The following CCDC27 variants were observed in gnomAD, a reference collection of about 807,000 sequenced individuals.
The protein encoded by CCDC27 is coiled-coil domain containing 27, also known as coiled-coil domain-containing protein 27.
A neutral mutation model predicts 80.3 loss-of-function variants in CCDC27; 80 were observed. That is an observed-to-expected ratio of 1.00 (90% CI 0.83 to 1.20). The LOEUF (loss-of-function observed/expected upper bound fraction) is 1.20. Ranked by LOEUF, CCDC27 falls within the 50% of genes most tolerant of loss-of-function variation. The pLI is 0.00. For missense variants in CCDC27, 815 were observed against 809.4 expected, an observed-to-expected ratio of 1.01 and a Z score of -0.08; for synonymous variants, 342 against 334.3, an observed-to-expected ratio of 1.02 and a Z score of -0.25.
Position 3,754,188 on chromosome 1 carries a change from C to A in CCDC27, c.389C>A (p.Thr130Lys), listed in dbSNP as rs765796565. The A allele has an allele frequency of 1.2e-6, 2 of 1,613,714 alleles. No individual in the cohort carries two copies. Among genetic ancestry groups the A allele is most frequent in the Non-Finnish European group, 1.7e-6 (2 of 1,179,878 alleles). ...SKMELRRVFP[T>K]HPDCPQFSTR... is the part of the protein sequence containing the mutation. The stretch of plus-strand genomic sequence containing the variant: ...ATGGAACTTCGAAGGGTCTTCCCCA[C>A]GCATCCTGACTGCCCCCAGTTCAGC... The change falls in exon 2 of 12, where the codon ACG becomes AAG. Residue 130 changes from threonine to lysine, a missense_variant. Transcript: ENST00000294600.
chr1:3,763,179 C>A lies in CCDC27; in HGVS notation c.1026C>A (p.Gly342=). Residue 342 remains glycine (G), a synonymous_variant, in exon 7 of 12, where the codon GGC becomes GGA. Transcript: ENST00000294600. This position sits in a 1 kb window ranked among gnomAD's most constrained non-coding sequence, Gnocchi z 7.5. ...TGGGAGGTGGCGAGGAGGACGAGGG[C>A]CTGGAAGGGGAGCCCGATGGGGTGG... The part of the protein sequence containing the change: ...PDLGGGEEDE[G]LEGEPDGVED... The A allele has an allele frequency of 1.3e-6, 2 of 1,508,360 alleles. No individual in the cohort carries two copies. Among genetic ancestry groups the A allele is most frequent in the South Asian group, 1.3e-5 (1 of 75,700 alleles). The allele number at this position is 1,508,360 out of a possible 1,614,324, so 93.4% of individuals were successfully genotyped here. A position where few individuals can be genotyped will look rare whatever the true frequency, so the allele number is the denominator to read the frequency against.
Position 3,752,718 on chromosome 1 carries a change from G to C in CCDC27, c.237G>C (p.Arg79=). ...AGAGCATGGCCAGCCGGGACGCCCGGTGCCCAGAATGGAAACCGCACCAAA... is the reference window on the plus strand; with the variant it reads ...AGAGCATGGCCAGCCGGGACGCCCGCTGCCCAGAATGGAAACCGCACCAAA... ...LLQSMASRDA[R]CPEWKPHQKP... Residue 79 remains arginine, a synonymous_variant, in exon 1 of 12, where the codon CGG becomes CGC. Transcript: ENST00000294600. 1 of 1,613,884 alleles carries C rather than the reference G, an allele frequency of 6.2e-7. No individual in the cohort carries two copies. The highest frequency in any genetic ancestry group is 8.5e-7 in the Non-Finnish European group (1 of 1,180,028).
rs1217174308 is a variant in CCDC27, at chr1:3,768,033, G to GTGTGCC, written c.1743+589_1743+594dup. Among the ~76,000 whole-genome samples the GTGTGCC allele has an allele frequency of 2.6e-5, 4 of 151,810 alleles. No homozygotes were observed. Among genetic ancestry groups the GTGTGCC allele is most frequent in the Non-Finnish European group, 5.9e-5 (4 of 67,984 alleles). On this transcript the variant is annotated intron_variant, in intron 10 of 11. Transcript: ENST00000294600. This position sits in a 1 kb window ranked among gnomAD's most constrained non-coding sequence, Gnocchi z 5.6. ...CATATGAAACGTGAGCAAGGCCAGA[G>GTGTGCC]TGTGCCCTGCTTGTGAGGGCCCCAT...
At position 3,761,444 on chromosome 1, in the gene CCDC27, A is replaced by T. The variant is rs1449418607; in HGVS notation, c.861+14A>T. ...CCAGGCAGGAGGGTGAGCCAGCCCC[A>T]GCGGGGCACAGCGCAGAGCTCTAAG... On this transcript the variant is annotated intron_variant, in intron 5 of 11. Transcript: ENST00000294600. The surrounding 1 kb of genome is among the most constrained non-coding windows in gnomAD (Gnocchi z 5.0). 1 of 1,612,622 alleles carries T rather than the reference A, an allele frequency of 6.2e-7. No homozygotes were observed. Among genetic ancestry groups the T allele is most frequent in the Admixed American group, 1.7e-5 (1 of 59,970 alleles).
chr1:3,758,904 G>A (rs1009306716), intron 4 of CCDC27, among the ~76,000 whole-genome samples: 2 of 152,088 alleles, frequency 1.3e-5, no homozygotes, highest in Non-Finnish European at 2.9e-5. Flanking sequence ...GCCCCTACAG[G>A]AGCAGTTTTA....
intron 11 of CCDC27, 116 bp downstream of exon 11, chr1:3,770,003 C>A: frequency 1.3e-6 from 1 of 747,146 alleles, no homozygotes; most frequent in South Asian, 1.5e-5. Context: ...CTACCTGTGT[C>A]ACCTATTCAC....
At position 3,756,842 on chromosome 1, in the gene CCDC27, C is replaced by A; in HGVS notation, c.663C>A (p.Ser221Arg). The change falls in exon 4 of 12, where the codon AGC (serine) becomes AGA (arginine). Residue 221 changes from serine to arginine, a missense_variant. Physicochemically the swap from Ser to Arg is moderately radical, Grantham distance 110. Transcript: ENST00000294600. ...CCAGCAGCTCAGTCGCATCTCAGAG[C>A]TGCCTGAGAAAGAGGATGCCCTGGT... ...PVTSSSVASQ[S>R]CLRKRMPWYL... The A allele has an allele frequency of 4.3e-6, 7 of 1,613,940 alleles. No homozygotes were observed. The highest frequency in any genetic ancestry group is 1.7e-4 in the Middle Eastern group (1 of 6,028).
chr1:3,769,249 G>T lies in CCDC27; in HGVS notation c.1744-534G>T, dbSNP rs374313670. On this transcript the variant is annotated intron_variant, in intron 10 of 11. Coordinates refer to ENST00000294600, the MANE Select transcript of CCDC27 (RefSeq NM_152492.3). This position sits in a 1 kb window ranked among gnomAD's most constrained non-coding sequence, Gnocchi z 4.6. ...AAGGATCTTCATGGCAGCAGAAGACGAGAACGCCTTCTGGGTCTGTGCGCG... is the reference window on the plus strand; with the variant it reads ...AAGGATCTTCATGGCAGCAGAAGACTAGAACGCCTTCTGGGTCTGTGCGCG... 2.6e-5 allele frequency among the ~76,000 whole-genome samples: 4 copies of T among 152,134 alleles called. No homozygotes were observed. Among genetic ancestry groups the T allele is most frequent in the Non-Finnish European group, 5.9e-5 (4 of 68,016 alleles).
chr1:3,754,979 C>T (rs923318650), intron 2 of CCDC27, among the ~76,000 whole-genome samples: 15 of 152,032 alleles, frequency 9.9e-5, no homozygotes, highest in African/African-American at 3.6e-4. Context: ...GGCCAGGGCT[C>T]CAGGACCAGG....
chr1:3,754,691 G>A (rs1235346169), intron 2 of CCDC27, among the ~76,000 whole-genome samples: 3 of 152,234 alleles, frequency 2.0e-5, no homozygotes, highest in East Asian at 1.9e-4. Context: ...GGCAGCTGCC[G>A]AGCTCCATGG....
chr1:3,754,057 G>T, intron 1 of CCDC27, 61 bp from the exon 2 acceptor site: 1 of 1,589,242 alleles, frequency 6.3e-7, no homozygotes, highest in South Asian at 1.1e-5. Flanking sequence ...GTCTGCCCTT[G>T]GATGGGCTGG....
In CCDC27 at chr1:3,763,204, G is replaced by C. The variant is rs1173032121; in HGVS notation, c.1051G>C (p.Glu351Gln). Residue 351 changes from glutamate to glutamine, a missense_variant, in exon 7 of 12, where the codon GAG becomes CAG. By Grantham distance (29) the Glu-to-Gln change is conservative. Coordinates refer to ENST00000294600, the MANE Select transcript of CCDC27 (RefSeq NM_152492.3). The surrounding 1 kb of genome is among the most constrained non-coding windows in gnomAD (Gnocchi z 7.5). ...EGLEGEPDGVEDTGAWGGVSQ... is the reference protein window; with the variant it reads ...EGLEGEPDGVQDTGAWGGVSQ... ...CCTGGAAGGGGAGCCCGATGGGGTGGAGGACACGGGTGCCTGGGGAGGTGT... is the reference window on the plus strand; with the variant it reads ...CCTGGAAGGGGAGCCCGATGGGGTGCAGGACACGGGTGCCTGGGGAGGTGT... 2.0e-6 allele frequency: 3 copies of C among 1,530,044 alleles called. No individual in the cohort carries two copies. In the African/African-American group the frequency reaches 4.1e-5, roughly 21 times the overall value. 94.8% of individuals were successfully genotyped at this position (1,530,044 alleles called of 1,614,324 possible).
At chr1:3,752,956 G>C (rs1050117325) in intron 1 of CCDC27, among the ~76,000 whole-genome samples, 157 bp downstream of exon 1, 1 of 152,214 alleles carries the variant, frequency 6.6e-6, no homozygotes, top group Admixed American at 6.5e-5. Context: ...CGAATTGAGC[G>C]CTAGGGGTGG....
At position 3,763,838 on chromosome 1, in the gene CCDC27, T is replaced by C. The variant is rs910321965; in HGVS notation, c.1452+2T>C. The C allele has an allele frequency of 6.2e-7, 1 of 1,613,834 alleles. No homozygotes were observed. Among genetic ancestry groups the C allele is most frequent in the South Asian group, 1.1e-5 (1 of 91,048 alleles). On this transcript the variant is annotated splice_donor_variant, in intron 8 of 11. Transcript: ENST00000294600. LOFTEE classifies it high-confidence loss of function. This position sits in a 1 kb window ranked among gnomAD's most constrained non-coding sequence, Gnocchi z 7.5. Reference sequence around the variant, plus strand: ...CAGCTACAAGCCATGACCGACAAGGTGGCCGTGCGCTCAGTACCGGCCTCC... The same window carrying C: ...CAGCTACAAGCCATGACCGACAAGGCGGCCGTGCGCTCAGTACCGGCCTCC...
Position 3,763,329 on chromosome 1 carries a change from AGAG to A in CCDC27, c.1180_1182del (p.Glu394del). ...CAGAGGAAAGGGAGCTGCCGGAGGA[AGAG>A]GAGATCCCCAGGAGAAGGGCCTCCT... is the stretch of plus-strand genomic sequence containing the variant. On this transcript the variant is annotated inframe_deletion, in exon 7 of 12. Coordinates refer to ENST00000294600, the MANE Select transcript of CCDC27 (RefSeq NM_152492.3). This position sits in a 1 kb window ranked among gnomAD's most constrained non-coding sequence, Gnocchi z 7.5. 1 of 1,612,792 alleles carries A rather than the reference AGAG, an allele frequency of 6.2e-7. No homozygotes were observed. Among genetic ancestry groups the A allele is most frequent in the South Asian group, 1.1e-5 (1 of 90,944 alleles).
At position 3,752,780 on chromosome 1, in the gene CCDC27, G is replaced by T; in HGVS notation, c.299G>T (p.Ser100Ile). 6.2e-7 allele frequency: 1 copy of T among 1,612,770 alleles called. No individual in the cohort carries two copies. The highest frequency in any genetic ancestry group is 8.5e-7 in the Non-Finnish European group (1 of 1,179,332). The stretch of plus-strand genomic sequence containing the variant: ...CTCAGCAAGTCGGTCCAGACCATCA[G>T]CCGCTACTACAGGAAGACGGTATGG... ...RTLSKSVQTI[S>I]RYYRKTSEPK... Residue 100 changes from serine to isoleucine, a missense_variant, in exon 1 of 12, where the codon AGC becomes ATC. Ser to Ile is a moderately radical substitution (Grantham distance 142). Coordinates refer to ENST00000294600, the MANE Select transcript of CCDC27 (RefSeq NM_152492.3).
rs927159182 is a variant in CCDC27 at position 3,768,974 on chromosome 1, A to G, written c.1744-809A>G. On this transcript the variant is annotated intron_variant, in intron 10 of 11. Transcript: ENST00000294600. This position sits in a 1 kb window ranked among gnomAD's most constrained non-coding sequence, Gnocchi z 5.6. ...CCATGACATTCCTGCTGTCACTTAA[A>G]CCTGTCCGAGCGGCAGTGTGGACAT... 6.6e-6 allele frequency among the ~76,000 whole-genome samples: 1 copy of G among 151,942 alleles called. No homozygotes were observed. Among genetic ancestry groups the G allele is most frequent in the Non-Finnish European group, 1.5e-5 (1 of 67,994 alleles).
chr1:3,754,137 C>G lies in CCDC27; in HGVS notation c.338C>G (p.Ala113Gly), dbSNP rs201785236. Residue 113 changes from alanine to glycine, a missense_variant, in exon 2 of 12, where the codon GCC becomes GGC. Physicochemically the swap from Ala to Gly is moderately conservative, Grantham distance 60. Transcript: ENST00000294600. Reference protein sequence around the residue: ...YRKTSEPKDAASLTGFMSKME... With the variant: ...YRKTSEPKDAGSLTGFMSKME... The stretch of plus-strand genomic sequence containing the variant: ...TGCCAGAGTGAACCCAAGGATGCCG[C>G]CAGCCTCACCGGCTTCATGTCCAAA... The G allele has an allele frequency of 1.9e-6, 3 of 1,613,668 alleles. No homozygotes were observed. In the South Asian group the frequency reaches 3.3e-5, roughly 18 times the overall value.
chr1:3,759,667 CTGAA>C (rs1316535904), intron 4 of CCDC27, among the ~76,000 whole-genome samples: 2 of 152,144 alleles, frequency 1.3e-5, no homozygotes, highest in Non-Finnish European at 2.9e-5. Context: ...GGTCATATGA[CTGAA>C]TGGAGACACA....
Sources: allele counts gnomAD v4.1 joint callset (sites outside exome capture counted in the v4.1 genomes callset), GRCh38; gene constraint gnomAD v4.1.1; non-coding constraint Gnocchi (gnomAD v3.1); transcripts MANE v1.5; gene names NCBI Gene and HGNC (gene_info 2026-07-23, HGNC 2026-07-21).